MGMT: variants seen among roughly 807,000 people sequenced by gnomAD.
MGMT encodes O-6-methylguanine-DNA methyltransferase.
In MGMT, 14 loss-of-function variants were observed where a neutral mutation model predicts 15.9. That is an observed-to-expected ratio of 0.88 (90% confidence interval 0.58 to 1.37). The LOEUF (loss-of-function observed/expected upper bound fraction) is 1.37. Among genes scored for constraint, MGMT ranks in the 40% most tolerant of loss-of-function variants. The pLI, the probability that MGMT is intolerant of heterozygous loss-of-function variation, is 0.00. For synonymous variants in MGMT, 130 were observed against 118.2 expected, an observed-to-expected ratio of 1.10 and a Z score of -0.65; for missense variants, 282 against 268.1, an observed-to-expected ratio of 1.05 and a Z score of -0.36.
intron 2 of MGMT, among the ~76,000 whole-genome samples, chr10:129,646,310 G>C (rs75304389): frequency 0.049 from 7,500 of 152,166 alleles, 220 homozygotes; most frequent in Middle Eastern, 0.089. Context: ...GGGGATTTAC[G>C]TTGGCCTATG....
intron 2 of MGMT, among the ~76,000 whole-genome samples, chr10:129,639,415 A>G (rs567874313): frequency 5.9e-5 from 9 of 152,304 alleles, no homozygotes; most frequent in Non-Finnish European, 1.0e-4. Context: ...TAAGTCCACA[A>G]TTATAAATGG....
At chr10:129,652,395 A>G (rs750691714) in intron 2 of MGMT, among the ~76,000 whole-genome samples, 5 of 152,232 alleles carry the variant, frequency 3.3e-5, no homozygotes, top group Non-Finnish European at 5.9e-5. Flanking sequence ...TGGGTGACTC[A>G]GGCCCCCTTC....
chr10:129,535,804 A>T (rs760652058), intron 1 of MGMT, among the ~76,000 whole-genome samples: 28 of 152,230 alleles, frequency 1.8e-4, no homozygotes, highest in Non-Finnish European at 3.5e-4. Context: ...CATTGCATAC[A>T]TGCTTCATTC....
chr10:129,705,826 C>T (rs891736500), intron 2 of MGMT, among the ~76,000 whole-genome samples: 12 of 151,982 alleles, frequency 7.9e-5, no homozygotes, highest in African/African-American at 2.2e-4. Context: ...CCCTTCTGCA[C>T]GGGGCCCAGG....
intron 2 of MGMT, among the ~76,000 whole-genome samples, chr10:129,664,224 C>A (rs999043508): frequency 6.6e-6 from 1 of 152,138 alleles, no homozygotes; most frequent in African/African-American, 2.4e-5. Context: ...GAAAAAAGTA[C>A]CAATGCAAGT....
At chr10:129,598,513 T>C (rs1444519501) in intron 2 of MGMT, among the ~76,000 whole-genome samples, 3 of 152,058 alleles carry the variant, frequency 2.0e-5, no homozygotes, top group Non-Finnish European at 4.4e-5. Flanking sequence ...GTGCTGCTGG[T>C]TCAGGAAGTT....
chr10:129,532,345 C>G lies in MGMT; in HGVS notation c.-12-3896C>G, dbSNP rs1845941679. 6.6e-6 allele frequency among the ~76,000 whole-genome samples: 1 copy of G among 152,216 alleles called. No homozygotes were observed. Among genetic ancestry groups the G allele is most frequent in the Non-Finnish European group, 1.5e-5 (1 of 68,038 alleles). ...TGGTCATTCCAGGGCAGGCAGTTCA[C>G]TTGGCCACACCAGGTTTGGCTGGAA... On this transcript the variant is annotated intron_variant, in intron 1 of 4. Coordinates refer to ENST00000651593, the MANE Select transcript of MGMT (RefSeq NM_002412.5). The surrounding 1 kb of genome is among the most constrained non-coding windows in gnomAD (Gnocchi z 5.3).
intron 1 of MGMT, among the ~76,000 whole-genome samples, chr10:129,486,157 TCTC>T (rs1056470238): frequency 2.0e-5 from 3 of 150,028 alleles, no homozygotes; most frequent in Admixed American, 6.7e-5. Flanking sequence ...GTTCTGTTCT[TCTC>T]TGTTCTCTTC....
At chr10:129,704,886 G>C (rs1039473178) in intron 2 of MGMT, among the ~76,000 whole-genome samples, 1 of 152,096 alleles carries the variant, frequency 6.6e-6, no homozygotes, top group Admixed American at 6.5e-5. Flanking sequence ...AGACTGGCCC[G>C]AGGTCTTCCG....
intron 2 of MGMT, among the ~76,000 whole-genome samples, chr10:129,630,375 G>A (rs374370964): frequency 3.1e-4 from 47 of 152,314 alleles, no homozygotes; most frequent in East Asian, 1.4e-3. Context: ...CCCATCTCAC[G>A]CCGTGAGGAG....
chr10:129,505,785 T>C (rs546268245), intron 1 of MGMT, among the ~76,000 whole-genome samples: 13 of 152,190 alleles, frequency 8.5e-5, no homozygotes, highest in Admixed American at 3.3e-4. Flanking sequence ...TTGCTCATGG[T>C]GTCTTATTTC....
At chr10:129,605,994 G>A (rs879531628) in intron 2 of MGMT, among the ~76,000 whole-genome samples, 1 of 152,126 alleles carries the variant, frequency 6.6e-6, no homozygotes, top group Admixed American at 6.5e-5. Flanking sequence ...TTTGTTGTGG[G>A]ATTTGTGAGG....
intron 3 of MGMT, among the ~76,000 whole-genome samples, chr10:129,713,062 G>A (rs1313286520): frequency 3.3e-5 from 5 of 152,316 alleles, no homozygotes; most frequent in Admixed American, 1.3e-4. Context: ...ACGGCAGCAC[G>A]CAGGCTTTGT....
In MGMT at chr10:129,707,912, C is replaced by T; in HGVS notation, c.143C>T (p.Ala48Val). 1.2e-6 allele frequency: 2 copies of T among 1,611,704 alleles called. No homozygotes were observed. Among genetic ancestry groups the T allele is most frequent in the Admixed American group, 1.7e-5 (1 of 59,968 alleles). ...TSAADAVEVP[A>V]PAAVLGGPEP... is the part of the protein sequence containing the mutation. ...TTTTGCAGTGCCGTGGAGGTCCCAG[C>T]CCCCGCTGCGGTTCTCGGAGGTCCG... is the stretch of plus-strand genomic sequence containing the variant. Residue 48 changes from alanine to valine, a missense_variant, in exon 3 of 5, where the codon GCC (alanine) becomes GTC (valine). Transcript: ENST00000651593.
At chr10:129,694,615 CCT>C (rs1564763925) in intron 2 of MGMT, among the ~76,000 whole-genome samples, 3 of 152,186 alleles carry the variant, frequency 2.0e-5, no homozygotes, top group South Asian at 2.1e-4. Flanking sequence ...CTCCAGCCCC[CCT>C]GTTTGTTCTT....
chr10:129,633,769 G>A (rs1259770786), intron 2 of MGMT, among the ~76,000 whole-genome samples: 4 of 152,032 alleles, frequency 2.6e-5, no homozygotes, highest in Non-Finnish European at 5.9e-5. Flanking sequence ...CAGATAAAAC[G>A]ACAAATATTT....
intron 3 of MGMT, chr10:129,715,554 T>C (rs559037601): frequency 3.9e-5 from 6 of 152,364 alleles, no homozygotes; most frequent in African/African-American, 1.4e-4. Flanking sequence ...CAAAAGAGAA[T>C]GTTAACCTTC....
chr10:129,756,595 G>A (rs1030007348), intron 3 of MGMT, among the ~76,000 whole-genome samples: 11 of 152,258 alleles, frequency 7.2e-5, no homozygotes, highest in African/African-American at 1.7e-4. Context: ...TCACCCTCCC[G>A]AGTAGCTGGG....
At chr10:129,724,895 A>G (rs778716283) in intron 3 of MGMT, among the ~76,000 whole-genome samples, 9 of 152,178 alleles carry the variant, frequency 5.9e-5, no homozygotes, top group African/African-American at 1.2e-4. Flanking sequence ...TGGCCTCCTT[A>G]TCCCAGATGG....
Sources: allele counts gnomAD v4.1 joint callset (sites outside exome capture counted in the v4.1 genomes callset), GRCh38; gene constraint gnomAD v4.1.1; non-coding constraint Gnocchi (gnomAD v3.1); transcripts MANE v1.5; gene names NCBI Gene and HGNC (gene_info 2026-07-23, HGNC 2026-07-21).